Variants in CMIP observed in about 807,000 individuals in gnomAD.
CMIP encodes the protein c-Maf inducing protein.
In CMIP, 13 loss-of-function variants were observed where a neutral mutation model predicts 97.3. The ratio of observed to expected loss-of-function variants is 0.13; its 90% confidence interval spans 0.09 to 0.21. CMIP has a LOEUF of 0.21. CMIP is among the 10% of genes least tolerant of loss of function. The pLI, the probability that CMIP is intolerant of heterozygous loss-of-function variation, is 1.00. For synonymous variants in CMIP, 538 were observed against 436.3 expected (o/e 1.23, Z -2.91); for missense variants, 847 against 1,024.9 (o/e 0.83, Z 2.37).
At chr16:81,674,977 A>G (rs997954175) in intron 9 of CMIP, among the ~76,000 whole-genome samples, 3 of 152,224 alleles carry the variant, frequency 2.0e-5, no homozygotes, top group South Asian at 2.1e-4. Context: ...AAAGAAAGAA[A>G]GAAAGAAAGA....
intron 1 of CMIP, among the ~76,000 whole-genome samples, chr16:81,446,247 A>AGT (rs1440093760): frequency 6.6e-6 from 1 of 151,820 alleles, no homozygotes; most frequent in East Asian, 1.9e-4. Flanking sequence ...TTGTCTGTAG[A>AGT]GTGTGTGTAT....
rs557869339 is a variant in CMIP, at chr16:81,680,791, A to G, written c.1388+2163A>G. 2.6e-5 allele frequency among the ~76,000 whole-genome samples: 4 copies of G among 152,322 alleles called. No individual in the cohort carries two copies. In the East Asian group the frequency reaches 5.8e-4, roughly 22 times the overall value. On this transcript the variant is annotated intron_variant, in intron 10 of 20. Transcript: ENST00000537098. Reference sequence around the variant, plus strand: ...TGCTCTGATGGAGGTAGAAGCCTCCAGGCCAGAGAGTGGCCCCGCTGTCCA... The same window carrying G: ...TGCTCTGATGGAGGTAGAAGCCTCCGGGCCAGAGAGTGGCCCCGCTGTCCA...
Position 81,664,329 on chromosome 16 carries a change from C to T in CMIP, c.805C>T (p.Arg269Ter). ...CGAGGTGTTCACCCCCGTGGTGCAG[C>T]GAATCCTCAAGCATAACATGGTGAG... ...VIEVFTPVVQRILKHNMDFGK... is the reference protein window; with the variant it reads ...VIEVFTPVVQ The change falls in exon 7 of 21, where the codon CGA becomes TGA. Residue 269 changes from arginine to a stop codon, truncating the protein, a stop_gained. Coordinates refer to ENST00000537098, the MANE Select transcript of CMIP (RefSeq NM_198390.3). LOFTEE classifies it high-confidence loss of function. The T allele has an allele frequency of 6.3e-7, 1 of 1,597,788 alleles. No homozygotes were observed. The highest frequency in any genetic ancestry group is 8.5e-7 in the Non-Finnish European group (1 of 1,172,820).
intron 1 of CMIP, among the ~76,000 whole-genome samples, chr16:81,447,396 C>G (rs1278805050): frequency 6.6e-6 from 1 of 152,114 alleles, no homozygotes; most frequent in African/African-American, 2.4e-5. Context: ...TGCTACCGTC[C>G]TGTTTCCGGA....
intron 1 of CMIP, among the ~76,000 whole-genome samples, chr16:81,534,897 T>C (rs1375457806): frequency 6.6e-6 from 1 of 152,250 alleles, no homozygotes; most frequent in Non-Finnish European, 1.5e-5. Flanking sequence ...TAGTTACCAC[T>C]GATATACTGT....
At chr16:81,643,366 G>C (rs934469502) in intron 3 of CMIP, among the ~76,000 whole-genome samples, 1 of 152,224 alleles carries the variant, frequency 6.6e-6, no homozygotes, top group African/African-American at 2.4e-5. Context: ...AGTTGCCCAG[G>C]GGCTGGGGGA....
At chr16:81,481,616 C>T (rs1416521478) in intron 1 of CMIP, among the ~76,000 whole-genome samples, 3 of 152,180 alleles carry the variant, frequency 2.0e-5, no homozygotes, top group Non-Finnish European at 4.4e-5. Context: ...CACTAGTTTC[C>T]TGTGGCTGCT....
chr16:81,598,238 G>A (rs1339468542), intron 1 of CMIP, among the ~76,000 whole-genome samples: 2 of 151,818 alleles, frequency 1.3e-5, no homozygotes, highest in South Asian at 2.1e-4. Context: ...GCTGACCAAC[G>A]GGGGTATCGT....
intron 3 of CMIP, among the ~76,000 whole-genome samples, chr16:81,640,205 G>A (rs1325081360): frequency 6.6e-6 from 1 of 152,096 alleles, no homozygotes; most frequent in African/African-American, 2.4e-5. Flanking sequence ...TATGCAATCG[G>A]GTAATGGGCT....
chr16:81,651,308 C>A, intron 3 of CMIP: 2 of 427,844 alleles, frequency 4.7e-6, no homozygotes, highest in Non-Finnish European at 6.2e-6. Flanking sequence ...AGACCTCCGC[C>A]TTCCGAGGGC....
chr16:81,501,572 T>A (rs2089612861), intron 1 of CMIP, among the ~76,000 whole-genome samples: 1 of 149,984 alleles, frequency 6.7e-6, no homozygotes, highest in East Asian at 2.0e-4. Flanking sequence ...AGGATGGGTG[T>A]GGCATGGGCA....
chr16:81,597,326 G>A (rs2091573862), intron 1 of CMIP, among the ~76,000 whole-genome samples: 1 of 152,146 alleles, frequency 6.6e-6, no homozygotes, highest in Admixed American at 6.5e-5. Flanking sequence ...CTGGTATGAT[G>A]GTCTCATACT....
At chr16:81,693,555 G>GAGGCCT (rs1906355550) in intron 13 of CMIP, 68 bp downstream of exon 13, 1 of 1,520,640 alleles carries the variant, frequency 6.6e-7, no homozygotes, top group Admixed American at 1.9e-5. Flanking sequence ...GGGCCCCTTA[G>GAGGCCT]AGGCCTTCTG....
intron 1 of CMIP, among the ~76,000 whole-genome samples, chr16:81,447,352 T>C (rs1228291654): frequency 1.3e-5 from 2 of 151,770 alleles, no homozygotes; most frequent in Non-Finnish European, 2.9e-5. Flanking sequence ...GAGCCCCTTC[T>C]CCCTCTGGGA....
intron 2 of CMIP, among the ~76,000 whole-genome samples, chr16:81,613,502 G>A (rs75012630): frequency 6.3e-4 from 95 of 150,980 alleles, no homozygotes; most frequent in Middle Eastern, 6.9e-3. Flanking sequence ...TAAACAGCAG[G>A]AAGAACCTCT....
rs1188234430 is a variant in CMIP at position 81,616,506 on chromosome 16, C to T, written c.427-4370C>T. On this transcript the variant is annotated intron_variant, in intron 2 of 20. Coordinates refer to ENST00000537098, the MANE Select transcript of CMIP (RefSeq NM_198390.3). This position sits in a 1 kb window ranked among gnomAD's most constrained non-coding sequence, Gnocchi z 4.7. ...CTGGTACCGAGTAAGCACCCGTGGT[C>T]TGTGGTTGGTAGTGACATGCGTCAT... 6.6e-6 allele frequency among the ~76,000 whole-genome samples: 1 copy of T among 152,222 alleles called. No homozygotes were observed. The highest frequency in any genetic ancestry group is 2.4e-5 in the African/African-American group (1 of 41,462).
intron 1 of CMIP, among the ~76,000 whole-genome samples, chr16:81,516,377 C>A (rs2089913866): frequency 6.6e-6 from 1 of 152,208 alleles, no homozygotes; most frequent in Non-Finnish European, 1.5e-5. Context: ...CCGAGTAGGA[C>A]TGCAATCATA....
At chr16:81,479,205 G>A (rs1266563494) in intron 1 of CMIP, among the ~76,000 whole-genome samples, 1 of 152,090 alleles carries the variant, frequency 6.6e-6, no homozygotes, top group East Asian at 1.9e-4. Flanking sequence ...TAAAGAGGGC[G>A]GTCAGCTACT....
Position 81,672,084 on chromosome 16 carries a change from C to G in CMIP, c.1034+14C>G. ...GTTCATCAACAGGTCAGTTGCTGAA[C>G]CACCGCCACCCAGAGGGCTTGGGAG... is the stretch of plus-strand genomic sequence containing the variant. On this transcript the variant is annotated intron_variant, in intron 9 of 20. Coordinates refer to ENST00000537098, the MANE Select transcript of CMIP (RefSeq NM_198390.3). 1 of 1,485,696 alleles carries G rather than the reference C, an allele frequency of 6.7e-7. No homozygotes were observed. The highest frequency in any genetic ancestry group is 9.2e-7 in the Non-Finnish European group (1 of 1,081,266). 92.0% of individuals were successfully genotyped at this position (1,485,696 alleles called of 1,614,324 possible).
Sources: gnomAD v4.1 joint callset for allele counts (sites outside exome capture counted in the v4.1 genomes callset) on GRCh38, gnomAD v4.1.1 for gene constraint, Gnocchi (gnomAD v3.1) non-coding constraint, MANE v1.5 for transcripts, NCBI Gene and HGNC (gene_info 2026-07-23, HGNC 2026-07-21) for gene names.